LRRC4C: variants seen among roughly 807,000 people sequenced by gnomAD.
LRRC4C encodes leucine-rich repeat-containing protein 4C.
Under a neutral mutation model 33.6 loss-of-function variants are expected in LRRC4C, and 5 were observed. The ratio of observed to expected loss-of-function variants is 0.15; its 90% confidence interval spans 0.08 to 0.31. The LOEUF (loss-of-function observed/expected upper bound fraction) is 0.31. LRRC4C is among the 10% of genes least tolerant of loss of function. LRRC4C has a pLI of 1.00. For missense variants in LRRC4C, 560 were observed against 796.7 expected (o/e 0.70, Z 3.58); for synonymous variants, 329 against 302.0 (o/e 1.09, Z -0.93).
intron 5 of LRRC4C, among the ~76,000 whole-genome samples, chr11:40,208,796 C>T (rs1863352963): frequency 6.6e-6 from 1 of 152,024 alleles, no homozygotes; most frequent in Non-Finnish European, 1.5e-5. Flanking sequence ...TGATGTTTTC[C>T]TAGAGTCAGC....
chr11:41,057,552 A>C lies in LRRC4C; in HGVS notation c.-495-123829T>G, dbSNP rs1858720517. ...TCCCACAGACCAGATTGGGAACTTGAGGTGCCTTTTCTGGGCCTGCCCATG... is the reference window on the plus strand; with the variant it reads ...TCCCACAGACCAGATTGGGAACTTGCGGTGCCTTTTCTGGGCCTGCCCATG... On this transcript the variant is annotated intron_variant, in intron 1 of 6. Transcript: ENST00000528697. Among the ~76,000 whole-genome samples, 2 of 152,182 alleles carry C rather than the reference A, an allele frequency of 1.3e-5. 1 individual carries two copies. Among genetic ancestry groups the C allele is most frequent in the South Asian group, 4.1e-4 (2 of 4,832 alleles).
At chr11:40,905,409 T>G (rs910884350) in intron 2 of LRRC4C, among the ~76,000 whole-genome samples, 1 of 149,878 alleles carries the variant, frequency 6.7e-6, no homozygotes, top group East Asian at 2.0e-4. Context: ...AAAAAAAAAG[T>G]ACCATCTTTG....
chr11:41,108,359 TTAAGA>T (rs1160547489), intron 1 of LRRC4C, among the ~76,000 whole-genome samples: 1 of 152,126 alleles, frequency 6.6e-6, no homozygotes, highest in African/African-American at 2.4e-5. Context: ...CGATTTGTGC[TTAAGA>T]TAAGGTTAGT....
intron 3 of LRRC4C, among the ~76,000 whole-genome samples, chr11:40,320,746 C>A (rs970526242): frequency 6.6e-6 from 1 of 152,114 alleles, no homozygotes; most frequent in African/African-American, 2.4e-5. Flanking sequence ...CCACTAAGGA[C>A]CCTTCCATCT....
At chr11:40,514,140 C>A (rs145241075) in intron 3 of LRRC4C, among the ~76,000 whole-genome samples, 25 of 152,274 alleles carry the variant, frequency 1.6e-4, no homozygotes, top group African/African-American at 5.8e-4. Flanking sequence ...AGTAGAGTGA[C>A]AAAGACCTGG....
At chr11:40,260,936 A>G (rs948414506) in intron 4 of LRRC4C, among the ~76,000 whole-genome samples, 3 of 152,150 alleles carry the variant, frequency 2.0e-5, no homozygotes, top group Non-Finnish European at 4.4e-5. Context: ...GCTGGAGTGC[A>G]GCGTTGCAAT....
At chr11:41,233,641 A>G (rs1947897582) in intron 1 of LRRC4C, among the ~76,000 whole-genome samples, 1 of 152,046 alleles carries the variant, frequency 6.6e-6, no homozygotes, top group Admixed American at 6.6e-5. Flanking sequence ...CAGTAATTTA[A>G]ATTTATCTTC....
chr11:40,797,762 G>T (rs181327508), intron 2 of LRRC4C, among the ~76,000 whole-genome samples: 14 of 152,178 alleles, frequency 9.2e-5, no homozygotes, highest in African/African-American at 3.4e-4. Context: ...TTTGTAGATG[G>T]ATTGCCATTT....
rs76148474 is a variant in LRRC4C, at chr11:40,994,512, A to G, written c.-495-60789T>C. ...AGAATTTCTGGCTTGGAGGTTCACA[A>G]TTTAGACTTGGACCTTGCTCCTACC... On this transcript the variant is annotated intron_variant, in intron 1 of 6. Transcript: ENST00000528697. Among the ~76,000 whole-genome samples the G allele has an allele frequency of 6.4e-3, 968 of 152,198 alleles. 10 individuals carry two copies. Among genetic ancestry groups the G allele is most frequent in the African/African-American group, 0.021 (888 of 41,546 alleles).
intron 1 of LRRC4C, among the ~76,000 whole-genome samples, chr11:41,366,896 T>C (rs1565616311): frequency 6.6e-6 from 1 of 152,196 alleles, no homozygotes; most frequent in Non-Finnish European, 1.5e-5. Context: ...TAGACTCTGG[T>C]ATTTTGTCAA....
intron 3 of LRRC4C, among the ~76,000 whole-genome samples, chr11:40,586,642 G>T (rs1241124389): frequency 6.8e-6 from 1 of 148,126 alleles, no homozygotes; most frequent in South Asian, 2.2e-4. Context: ...ATCTTGAATT[G>T]ATTTTTGTAT....
chr11:41,072,495 C>T (rs1938777021), intron 1 of LRRC4C, among the ~76,000 whole-genome samples: 1 of 151,896 alleles, frequency 6.6e-6, no homozygotes, highest in Non-Finnish European at 1.5e-5. Flanking sequence ...GTTTAATAGT[C>T]TATAGCACTT....
At chr11:41,081,719 A>G (rs559066559) in intron 1 of LRRC4C, among the ~76,000 whole-genome samples, 109 of 152,236 alleles carry the variant, frequency 7.2e-4, no homozygotes, top group African/African-American at 2.5e-3. Flanking sequence ...ATGTTTATAC[A>G]CACACACAGA....
At chr11:41,412,379 A>G (rs1163011492) in intron 1 of LRRC4C, among the ~76,000 whole-genome samples, 1 of 152,188 alleles carries the variant, frequency 6.6e-6, no homozygotes, top group Non-Finnish European at 1.5e-5. Context: ...CTTAACTTTT[A>G]TCAATTAACT....
chr11:40,264,640 G>A (rs2136287757), intron 4 of LRRC4C, among the ~76,000 whole-genome samples: 1 of 152,300 alleles, frequency 6.6e-6, no homozygotes, highest in South Asian at 2.1e-4. Context: ...CTGGTTTGAA[G>A]AGTAATTCCT....
chr11:40,835,895 A>T (rs151066721), intron 2 of LRRC4C, among the ~76,000 whole-genome samples: 1 of 152,324 alleles, frequency 6.6e-6, no homozygotes, highest in African/African-American at 2.4e-5. Context: ...TGTTTTCATT[A>T]CATTGTATCT....
intron 1 of LRRC4C, among the ~76,000 whole-genome samples, chr11:41,391,149 A>G (rs1332928437): frequency 1.3e-5 from 2 of 151,884 alleles, no homozygotes; most frequent in African/African-American, 4.8e-5. Flanking sequence ...TTGTGAGTAT[A>G]GGTTATATTA....
chr11:40,506,549 G>A (rs999116935), intron 3 of LRRC4C, among the ~76,000 whole-genome samples: 1 of 151,956 alleles, frequency 6.6e-6, no homozygotes, highest in Admixed American at 6.6e-5. Flanking sequence ...ACAGCCAGCG[G>A]GAACATGGCC....
chr11:40,596,492 C>T (rs1327829710), intron 3 of LRRC4C, among the ~76,000 whole-genome samples: 4 of 151,538 alleles, frequency 2.6e-5, no homozygotes, highest in Admixed American at 2.0e-4. Flanking sequence ...TTAAAATTTA[C>T]AATAAATTAT....
Sources: allele counts gnomAD v4.1 joint callset (sites outside exome capture counted in the v4.1 genomes callset), GRCh38; gene constraint gnomAD v4.1.1; transcripts MANE v1.5; gene names NCBI Gene and HGNC (gene_info 2026-07-23, HGNC 2026-07-21).